Variants in SDCBP observed in about 807,000 individuals in gnomAD.
SDCBP encodes syndecan binding protein, also known as syntenin-1.
In SDCBP, 22 loss-of-function variants were observed where a neutral mutation model predicts 30.5. The ratio of observed to expected loss-of-function variants is 0.72; its 90% confidence interval spans 0.52 to 1.03. SDCBP has a LOEUF of 1.03. SDCBP is among the 50% of genes least tolerant of loss of function. The probability of loss-of-function intolerance (pLI) is 0.00; values close to 1 mark genes in which losing one functional copy is unlikely to be tolerated. For synonymous variants in SDCBP, 103 were observed against 118.7 expected, an observed-to-expected ratio of 0.87 and a Z score of 0.86; for missense variants, 304 against 369.9, an observed-to-expected ratio of 0.82 and a Z score of 1.46.
At position 58,572,315 on chromosome 8, in the gene SDCBP, G is replaced by C; in HGVS notation, c.240+1G>C. On this transcript the variant is annotated splice_donor_variant, in intron 4 of 8. Coordinates refer to ENST00000260130, the MANE Select transcript of SDCBP (RefSeq NM_005625.4). LOFTEE classifies it high-confidence loss of function. The stretch of plus-strand genomic sequence containing the variant: ...GGTTTCTGGTGCACCACTTCAGGGG[G>C]TATGTATAGTGTAATTAATTTTGAT... 6.4e-7 allele frequency: 1 copy of C among 1,558,862 alleles called. No homozygotes were observed. Among genetic ancestry groups the C allele is most frequent in the Non-Finnish European group, 8.8e-7 (1 of 1,130,376 alleles).
chr8:58,564,632 G>T (rs1427484405), intron 1 of SDCBP, among the ~76,000 whole-genome samples: 1 of 152,224 alleles, frequency 6.6e-6, no homozygotes, highest in African/African-American at 2.4e-5. Flanking sequence ...AAATGTAGCT[G>T]TGTAATGCCC....
intron 7 of SDCBP, 103 bp downstream of exon 7, chr8:58,579,897 A>T (rs1805586540): frequency 8.9e-7 from 1 of 1,123,602 alleles, no homozygotes; most frequent in Non-Finnish European, 1.2e-6. Flanking sequence ...TAGGTGGGAG[A>T]TGGGGAACGT....
chr8:58,559,555 T>C lies in SDCBP; in HGVS notation c.-15-5464T>C, dbSNP rs985203083. On this transcript the variant is annotated intron_variant, in intron 1 of 8. Coordinates refer to ENST00000260130, the MANE Select transcript of SDCBP (RefSeq NM_005625.4). ...ATAGTGCTCTCTCAAGAATGTGAAT[T>C]TTTTTTTTTTTCTCACAAACCCAGA... 9.0e-4 allele frequency among the ~76,000 whole-genome samples: 135 copies of C among 150,352 alleles called. 2 individuals are homozygous for C. Among genetic ancestry groups the C allele is most frequent in the African/African-American group, 3.0e-3 (125 of 41,110 alleles).
chr8:58,557,429 A>G (rs1019784436), intron 1 of SDCBP, among the ~76,000 whole-genome samples: 1 of 143,934 alleles, frequency 6.9e-6, no homozygotes, highest in Non-Finnish European at 1.5e-5. Flanking sequence ...AATATATATT[A>G]TATATAATAC....
chr8:58,576,992 T>C (rs1563514775), intron 5 of SDCBP, among the ~76,000 whole-genome samples: 2 of 152,348 alleles, frequency 1.3e-5, no homozygotes, highest in East Asian at 3.9e-4. Context: ...GCGTGCTTAG[T>C]TGGGATGCTC....
intron 1 of SDCBP, among the ~76,000 whole-genome samples, chr8:58,559,324 T>C (rs1487859401): frequency 6.6e-6 from 1 of 152,210 alleles, no homozygotes; most frequent in African/African-American, 2.4e-5. Flanking sequence ...TTCTTTTCAG[T>C]GCATTTTGGT....
rs1805179387 is a variant in SDCBP, at chr8:58,573,895, G to A, written c.240+1581G>A. 2.0e-5 allele frequency among the ~76,000 whole-genome samples: 3 copies of A among 152,074 alleles called. No individual in the cohort carries two copies. The South Asian group carries it at 6.2e-4, about 31-fold the overall frequency. The stretch of plus-strand genomic sequence containing the variant: ...TTGTACAAACATTTGAATTTCATGT[G>A]ACAACAACAACAACTTTATAGTTTC... On this transcript the variant is annotated intron_variant, in intron 4 of 8. Transcript: ENST00000260130.
Position 58,572,311 on chromosome 8 carries a change from G to A in SDCBP, c.237G>A (p.Gln79=). The change falls in exon 4 of 9, where the codon CAG becomes CAA. Residue 79 remains glutamine (Q), a synonymous_variant. Coordinates refer to ENST00000260130, the MANE Select transcript of SDCBP (RefSeq NM_005625.4). Reference sequence around the variant, plus strand: ...CCGTGGTTTCTGGTGCACCACTTCAGGGGGTATGTATAGTGTAATTAATTT... The same window carrying A: ...CCGTGGTTTCTGGTGCACCACTTCAAGGGGTATGTATAGTGTAATTAATTT... The part of the protein sequence containing the change: ...NVAVVSGAPL[Q]GQLVARPSSI... 4 of 1,580,230 alleles carry A rather than the reference G, an allele frequency of 2.5e-6. No homozygotes were observed. In the South Asian group the frequency reaches 3.3e-5, roughly 13 times the overall value.
chr8:58,581,333 A>G (rs1220239042), intron 8 of SDCBP, among the ~76,000 whole-genome samples: 4 of 152,026 alleles, frequency 2.6e-5, no homozygotes, highest in Non-Finnish European at 5.9e-5. Flanking sequence ...GTCATGACTA[A>G]TTTTTCTAGG....
intron 1 of SDCBP, among the ~76,000 whole-genome samples, chr8:58,556,434 G>GC (rs1251879551): frequency 6.6e-6 from 1 of 152,158 alleles, no homozygotes; most frequent in Admixed American, 6.5e-5. Flanking sequence ...CTGGTCCATG[G>GC]CCCGGGGGTT....
chr8:58,573,088 A>T (rs1406228408), intron 4 of SDCBP, among the ~76,000 whole-genome samples: 1 of 152,132 alleles, frequency 6.6e-6, no homozygotes, highest in East Asian at 1.9e-4. Context: ...GATTACAGGC[A>T]TGAGCCACTG....
intron 8 of SDCBP, among the ~76,000 whole-genome samples, chr8:58,581,354 C>T (rs1187187419): frequency 6.6e-6 from 1 of 152,128 alleles, no homozygotes; most frequent in African/African-American, 2.4e-5. Flanking sequence ...GTTCTCTTTT[C>T]TTAAATCACT....
chr8:58,570,658 C>CTACAAT, intron 2 of SDCBP: 2 of 425,592 alleles, frequency 4.7e-6, no homozygotes, highest in South Asian at 9.1e-5. Flanking sequence ...AATGGTACTT[C>CTACAAT]TACAATTTTT....
chr8:58,581,674 C>G lies in SDCBP; in HGVS notation c.843-12C>G, dbSNP rs1805693319. On this transcript the variant is annotated splice_polypyrimidine_tract_variant and intron_variant, in intron 8 of 8. Transcript: ENST00000260130. ...AGAATCTCGGTATATAATAAAAGTA[C>G]CTCTCTTGTAGGATGGCACCAAGCA... 6.2e-7 allele frequency: 1 copy of G among 1,604,740 alleles called. No homozygotes were observed. Among genetic ancestry groups the G allele is most frequent in the Non-Finnish European group, 8.5e-7 (1 of 1,171,972 alleles).
chr8:58,566,682 G>GT (rs1000436489), intron 2 of SDCBP, among the ~76,000 whole-genome samples: 3 of 151,798 alleles, frequency 2.0e-5, no homozygotes, highest in African/African-American at 7.3e-5. Context: ...GTTTTGTTTT[G>GT]TTTTTTTGCA....
At chr8:58,567,953 T>G (rs1410960060) in intron 2 of SDCBP, among the ~76,000 whole-genome samples, 1 of 152,152 alleles carries the variant, frequency 6.6e-6, no homozygotes, top group African/African-American at 2.4e-5. Context: ...GGACTAGAAG[T>G]TGCGCTGGGT....
At chr8:58,571,053 G>A (rs1182677036) in intron 3 of SDCBP, 88 bp downstream of exon 3, 2 of 933,126 alleles carry the variant, frequency 2.1e-6, no homozygotes, top group Non-Finnish European at 3.3e-6. Flanking sequence ...TTTTTTTTTG[G>A]ACAGGCTGCA....
chr8:58,563,514 A>G (rs757662213), intron 1 of SDCBP, among the ~76,000 whole-genome samples: 3 of 152,138 alleles, frequency 2.0e-5, no homozygotes, highest in Non-Finnish European at 2.9e-5. Flanking sequence ...TGAATATACT[A>G]AAAACCATTG....
intron 2 of SDCBP, among the ~76,000 whole-genome samples, chr8:58,568,382 A>G (rs756034845): frequency 1.3e-5 from 2 of 152,204 alleles, no homozygotes; most frequent in Non-Finnish European, 2.9e-5. Flanking sequence ...CAGAGGCAGT[A>G]ACATGCATGG....
Sources: gnomAD v4.1 joint callset for allele counts (sites outside exome capture counted in the v4.1 genomes callset) on GRCh38, gnomAD v4.1.1 for gene constraint, MANE v1.5 for transcripts, NCBI Gene and HGNC (gene_info 2026-07-23, HGNC 2026-07-21) for gene names.